Variants in ADAMTS12 observed in about 807,000 individuals in gnomAD.
The protein encoded by ADAMTS12 is A disintegrin and metalloproteinase with thrombospondin motifs 12.
ADAMTS12 carries 118 observed loss-of-function variants against 167.8 expected under a neutral mutation model. That is an observed-to-expected ratio of 0.70 (90% CI 0.61 to 0.82). The LOEUF (loss-of-function observed/expected upper bound fraction) is 0.82, where lower values mean the gene tolerates loss of function less well. Ranked by LOEUF, ADAMTS12 falls within the 40% of genes least tolerant of loss-of-function variation. ADAMTS12 has a pLI of 0.00. For missense variants in ADAMTS12, 1,916 were observed against 1,998.8 expected (o/e 0.96, Z 0.79); for synonymous variants, 704 against 716.9 (o/e 0.98, Z 0.29).
At position 33,808,344 on chromosome 5, in the gene ADAMTS12, C is replaced by A. The variant is rs371389172; in HGVS notation, c.490-56796G>T. 2.0e-5 allele frequency among the ~76,000 whole-genome samples: 3 copies of A among 152,250 alleles called. No homozygotes were observed. In the East Asian group the frequency reaches 5.8e-4, roughly 29 times the overall value. ...ACTCCCTGGGAAGCTTTTAAAAATT[C>A]TGATCTCCGTTATGCCCCATGCCAA... On this transcript the variant is annotated intron_variant, in intron 2 of 23. Coordinates refer to ENST00000504830, the MANE Select transcript of ADAMTS12 (RefSeq NM_030955.4).
intron 2 of ADAMTS12, among the ~76,000 whole-genome samples, chr5:33,845,770 G>A (rs1189509613): frequency 6.6e-6 from 1 of 152,188 alleles, no homozygotes; most frequent in East Asian, 1.9e-4. Context: ...GATGCAATGA[G>A]AAAATACATG....
intron 3 of ADAMTS12, among the ~76,000 whole-genome samples, chr5:33,690,059 C>A (rs996344636): frequency 6.6e-6 from 1 of 152,204 alleles, no homozygotes; most frequent in Non-Finnish European, 1.5e-5. Context: ...AGCTATCTGC[C>A]ACTACCACAC....
chr5:33,694,906 GA>G (rs1236136236), intron 3 of ADAMTS12, among the ~76,000 whole-genome samples: 1 of 152,260 alleles, frequency 6.6e-6, no homozygotes, highest in African/African-American at 2.4e-5. Context: ...TTGGCTACTA[GA>G]AAGTTGAAAA....
chr5:33,751,989 T>C (rs1028610338), intron 2 of ADAMTS12, among the ~76,000 whole-genome samples: 1 of 152,220 alleles, frequency 6.6e-6, no homozygotes, highest in Non-Finnish European at 1.5e-5. Flanking sequence ...CCCAGCCACA[T>C]GTTCACACAA....
intron 2 of ADAMTS12, among the ~76,000 whole-genome samples, chr5:33,799,299 CCTT>C (rs1290897599): frequency 8.5e-5 from 13 of 152,212 alleles, no homozygotes; most frequent in African/African-American, 2.9e-4. Flanking sequence ...AAAATCCCAA[CCTT>C]CTTTCTACTC....
At chr5:33,621,098 C>G (rs1423494595) in intron 14 of ADAMTS12, among the ~76,000 whole-genome samples, 1 of 152,104 alleles carries the variant, frequency 6.6e-6, no homozygotes, top group Non-Finnish European at 1.5e-5. Context: ...CCATCACTAT[C>G]CCAGTCTTGA....
chr5:33,851,329 A>C (rs983149489), intron 2 of ADAMTS12, among the ~76,000 whole-genome samples: 1 of 152,086 alleles, frequency 6.6e-6, no homozygotes, highest in African/African-American at 2.4e-5. Context: ...GGAGAATGGC[A>C]TGGACCCAGG....
At chr5:33,658,400 A>C in intron 6 of ADAMTS12, 67 bp from the exon 7 acceptor site, 1 of 1,585,324 alleles carries the variant, frequency 6.3e-7, no homozygotes, top group Admixed American at 1.7e-5. Context: ...CTGGAAAAAA[A>C]TCTGGGTATA....
At chr5:33,876,712 C>CAAATATAAAT (rs1432026363) in intron 2 of ADAMTS12, among the ~76,000 whole-genome samples, 18 of 151,962 alleles carry the variant, frequency 1.2e-4, no homozygotes, top group Admixed American at 3.9e-4. Context: ...GTGGTGGTAC[C>CAAATATAAAT]ATGAGAGAAA....
At chr5:33,831,252 A>C (rs896668702) in intron 2 of ADAMTS12, among the ~76,000 whole-genome samples, 1 of 152,220 alleles carries the variant, frequency 6.6e-6, no homozygotes, top group Non-Finnish European at 1.5e-5. Context: ...TATATCCCTT[A>C]TTAAAGATGA....
chr5:33,780,001 A>G (rs1266568042), intron 2 of ADAMTS12, among the ~76,000 whole-genome samples: 1 of 152,232 alleles, frequency 6.6e-6, no homozygotes, highest in East Asian at 1.9e-4. Flanking sequence ...ACTACAAAAA[A>G]TGATAACTGT....
At chr5:33,839,601 C>T (rs558526346) in intron 2 of ADAMTS12, among the ~76,000 whole-genome samples, 9 of 152,218 alleles carry the variant, frequency 5.9e-5, no homozygotes, top group African/African-American at 1.2e-4. Flanking sequence ...TGAGGGGAGC[C>T]GACTGAAGAC....
intron 3 of ADAMTS12, among the ~76,000 whole-genome samples, chr5:33,699,643 G>T (rs146339537): frequency 6.6e-6 from 1 of 152,094 alleles, no homozygotes; most frequent in Admixed American, 6.6e-5. Context: ...TTTTGGTGGT[G>T]GTCGTACCAC....
At chr5:33,845,520 A>G (rs188559235) in intron 2 of ADAMTS12, among the ~76,000 whole-genome samples, 34 of 152,366 alleles carry the variant, frequency 2.2e-4, no homozygotes, top group African/African-American at 8.2e-4. Flanking sequence ...ATGATGTTAC[A>G]TTAGTACAGA....
At chr5:33,655,151 T>C (rs1466960299) in intron 7 of ADAMTS12, among the ~76,000 whole-genome samples, 1 of 152,134 alleles carries the variant, frequency 6.6e-6, no homozygotes, top group Non-Finnish European at 1.5e-5. Flanking sequence ...TATAACTTTC[T>C]AAGGGGCAGC....
rs769263371 is a variant in ADAMTS12, at chr5:33,588,724, T to C, written c.2740A>G (p.Met914Val). Reference protein sequence around the residue: ...KKRTVLCIQTMVSDEQALPPT... With the variant: ...KKRTVLCIQTVVSDEQALPPT... ...GGGAGAGCCTGCTCGTCAGAGACCA[T>C]GGTCTGGATGCACAGCACGGTTCGC... The change falls in exon 18 of 24, where the codon ATG (methionine) becomes GTG (valine). Residue 914 changes from methionine (M) to valine (V), a missense_variant. Transcript: ENST00000504830. The C allele has an allele frequency of 1.9e-6, 3 of 1,613,962 alleles. No homozygotes were observed. The highest frequency in any genetic ancestry group is 3.3e-5 in the Admixed American group (2 of 59,992).
intron 14 of ADAMTS12, 119 bp downstream of exon 14, chr5:33,624,112 T>A (rs1739463732): frequency 6.9e-7 from 1 of 1,456,480 alleles, no homozygotes; most frequent in Non-Finnish European, 9.3e-7. Flanking sequence ...CCATTTTGAA[T>A]ACTTTGAAAA....
At chr5:33,791,016 G>A (rs1015907578) in intron 2 of ADAMTS12, among the ~76,000 whole-genome samples, 16 of 151,942 alleles carry the variant, frequency 1.1e-4, no homozygotes, top group East Asian at 1.9e-4. Context: ...CAGAGCATGC[G>A]GTCACACTCT....
chr5:33,537,360 C>A (rs1001641928), intron 22 of ADAMTS12, among the ~76,000 whole-genome samples: 3 of 152,228 alleles, frequency 2.0e-5, no homozygotes, highest in African/African-American at 4.8e-5. Flanking sequence ...AAGATGATGA[C>A]TGTCTTGTTC....
Sources: gnomAD v4.1 joint callset for allele counts (sites outside exome capture counted in the v4.1 genomes callset) on GRCh38, gnomAD v4.1.1 for gene constraint, MANE v1.5 for transcripts, NCBI Gene and HGNC (gene_info 2026-07-23, HGNC 2026-07-21) for gene names.